The following NRG3 variants were observed in gnomAD, a reference collection of about 807,000 sequenced individuals.
The protein encoded by NRG3 is pro-neuregulin-3, membrane-bound isoform.
In NRG3, 31 loss-of-function variants were observed where a neutral mutation model predicts 66.9. The ratio of observed to expected loss-of-function variants is 0.46; its 90% CI spans 0.35 to 0.63. NRG3 has a LOEUF of 0.63. Among genes scored for constraint, NRG3 ranks in the 20% least tolerant of loss-of-function variants. The pLI is 0.00. For missense variants in NRG3, 910 were observed against 878.9 expected, an observed-to-expected ratio of 1.04 and a Z score of -0.45; for synonymous variants, 393 against 359.4, an observed-to-expected ratio of 1.09 and a Z score of -1.06.
chr10:82,528,037 T>G (rs1157021771), intron 2 of NRG3, among the ~76,000 whole-genome samples: 1 of 152,178 alleles, frequency 6.6e-6, no homozygotes, highest in Non-Finnish European at 1.5e-5. Context: ...CACACCCTCC[T>G]TTCCCCCAGC....
chr10:81,943,964 A>G (rs1478349458), intron 1 of NRG3, among the ~76,000 whole-genome samples: 1 of 152,174 alleles, frequency 6.6e-6, no homozygotes, highest in Non-Finnish European at 1.5e-5. Flanking sequence ...CTGTGACAGC[A>G]AGAACGTGAT....
At chr10:81,915,422 TG>T (rs1482115680) in intron 1 of NRG3, among the ~76,000 whole-genome samples, 10 of 150,380 alleles carry the variant, frequency 6.6e-5, no homozygotes, top group African/African-American at 2.4e-4. Context: ...GGAGATGAGG[TG>T]GGTGTTGGGC....
At chr10:82,293,208 A>AT (rs769561850) in intron 1 of NRG3, among the ~76,000 whole-genome samples, 1 of 152,136 alleles carries the variant, frequency 6.6e-6, no homozygotes, top group Non-Finnish European at 1.5e-5. Context: ...GTTGAGTTCA[A>AT]TTTTTTGTTA....
chr10:82,909,311 C>G (rs1007119422), intron 4 of NRG3, among the ~76,000 whole-genome samples: 1 of 152,178 alleles, frequency 6.6e-6, no homozygotes, highest in African/African-American at 2.4e-5. Context: ...GAGCAGTTCA[C>G]ACAGGCATTC....
At chr10:82,785,294 T>A (rs903543636) in intron 3 of NRG3, among the ~76,000 whole-genome samples, 3 of 151,856 alleles carry the variant, frequency 2.0e-5, no homozygotes, top group Non-Finnish European at 4.4e-5. Flanking sequence ...GCATGGCACA[T>A]GTATACATAC....
chr10:81,889,261 T>C (rs1440575043), intron 1 of NRG3: 1 of 152,176 alleles, frequency 6.6e-6, no homozygotes, highest in Non-Finnish European at 1.5e-5. Context: ...TGAGGTCTTC[T>C]TTGCAGAAGC....
intron 4 of NRG3, among the ~76,000 whole-genome samples, chr10:82,943,784 T>C (rs997223201): frequency 6.6e-6 from 1 of 152,160 alleles, no homozygotes; most frequent in Non-Finnish European, 1.5e-5. Flanking sequence ...TCCAGTCAAG[T>C]TGACACCTAA....
Position 82,977,475 on chromosome 10 carries a change from G to C in NRG3, c.1413-1475G>C, listed in dbSNP as rs142939706. On this transcript the variant is annotated intron_variant, in intron 7 of 8. Transcript: ENST00000372141. ...AATACAAAAATTAGCCTGCCATTGTGGGGGGCACCTGTAGTCCCAGCTACT... is the reference window on the plus strand; with the variant it reads ...AATACAAAAATTAGCCTGCCATTGTCGGGGGCACCTGTAGTCCCAGCTACT... Among the ~76,000 whole-genome samples the C allele has an allele frequency of 5.0e-4, 76 of 152,080 alleles. 2 individuals are homozygous for C. The East Asian group carries it at 8.3e-3, about 17-fold the overall frequency.
chr10:82,609,292 T>C lies in NRG3; in HGVS notation c.954-129285T>C, dbSNP rs113465412. Among the ~76,000 whole-genome samples, 536 of 152,272 alleles carry C rather than the reference T, an allele frequency of 3.5e-3. 1 individual carries two copies. The highest frequency in any genetic ancestry group is 0.012 in the African/African-American group (511 of 41,562). ...AATAACGTGATTCTATCCTTGATAATTGAGTAAAGAGCCATTCAAAGAGTG... is the reference window on the plus strand; with the variant it reads ...AATAACGTGATTCTATCCTTGATAACTGAGTAAAGAGCCATTCAAAGAGTG... On this transcript the variant is annotated intron_variant, in intron 2 of 8. Coordinates refer to ENST00000372141, the MANE Select transcript of NRG3 (RefSeq NM_001010848.4).
intron 4 of NRG3, among the ~76,000 whole-genome samples, chr10:82,908,727 G>A (rs1845008054): frequency 6.6e-6 from 1 of 152,232 alleles, no homozygotes; most frequent in East Asian, 1.9e-4. Context: ...ATACTAAACT[G>A]CTTCAGTGGC....
intron 1 of NRG3, among the ~76,000 whole-genome samples, chr10:81,993,549 G>T (rs774471169): frequency 5.2e-4 from 79 of 152,002 alleles, no homozygotes; most frequent in Non-Finnish European, 8.4e-4. Context: ...GTCTTGTTAG[G>T]TTGCTCAGCT....
chr10:82,579,643 G>T (rs1178479862), intron 2 of NRG3, among the ~76,000 whole-genome samples: 1 of 151,874 alleles, frequency 6.6e-6, no homozygotes, highest in Non-Finnish European at 1.5e-5. Context: ...GTAGCATCTT[G>T]CTTGATACTC....
At chr10:82,472,568 C>T (rs1028505910) in intron 2 of NRG3, among the ~76,000 whole-genome samples, 1 of 152,180 alleles carries the variant, frequency 6.6e-6, no homozygotes, top group African/African-American at 2.4e-5. Context: ...CTTCGGGTAT[C>T]CCTGTCCAAA....
Position 82,752,631 on chromosome 10 carries a change from C to T in NRG3, c.1027+13981C>T, listed in dbSNP as rs76623862. 3.0e-3 allele frequency among the ~76,000 whole-genome samples: 463 copies of T among 152,106 alleles called. 3 individuals are homozygous for T. The highest frequency in any genetic ancestry group is 0.01 in the African/African-American group (435 of 41,504). ...GCTATGGTCTGAATGTTAATGTTCC[C>T]ACCAAAAATTCATATGTTGAAACAT... On this transcript the variant is annotated intron_variant, in intron 3 of 8. Coordinates refer to ENST00000372141, the MANE Select transcript of NRG3 (RefSeq NM_001010848.4).
chr10:82,510,224 C>T (rs1325899160), intron 2 of NRG3, among the ~76,000 whole-genome samples: 3 of 152,194 alleles, frequency 2.0e-5, no homozygotes, highest in Non-Finnish European at 1.5e-5. Context: ...CTATTTCACA[C>T]ACTATCCCCA....
At chr10:82,468,879 G>A (rs1840955680) in intron 2 of NRG3, among the ~76,000 whole-genome samples, 2 of 151,930 alleles carry the variant, frequency 1.3e-5, no homozygotes, top group South Asian at 2.1e-4. Context: ...GGGAGGAAGG[G>A]AGAAAGAAAA....
chr10:82,769,138 G>T (rs999928445), intron 3 of NRG3, among the ~76,000 whole-genome samples: 1 of 152,058 alleles, frequency 6.6e-6, no homozygotes, highest in African/African-American at 2.4e-5. Flanking sequence ...TAAATAGTTT[G>T]TGAAATATGG....
rs573679360 is a variant in NRG3, at chr10:81,903,940, C to A, written c.823+27777C>A. 5.5e-4 allele frequency among the ~76,000 whole-genome samples: 83 copies of A among 150,814 alleles called. 6 individuals are homozygous for A. The highest frequency in any genetic ancestry group is 5.2e-3 in the Admixed American group (79 of 15,152). ...TGAGTCACATGCTCAACATGGTAAA[C>A]ATGTATATATCCACCTTCAAGACTT... is the stretch of plus-strand genomic sequence containing the variant. On this transcript the variant is annotated intron_variant, in intron 1 of 8. Transcript: ENST00000372141.
At chr10:82,120,620 A>G (rs539879167) in intron 1 of NRG3, among the ~76,000 whole-genome samples, 1 of 152,288 alleles carries the variant, frequency 6.6e-6, no homozygotes, top group African/African-American at 2.4e-5. Flanking sequence ...AAGATGTTTC[A>G]GGATATTTCA....
Sources: gnomAD v4.1 joint callset for allele counts (sites outside exome capture counted in the v4.1 genomes callset) on GRCh38, gnomAD v4.1.1 for gene constraint, MANE v1.5 for transcripts, NCBI Gene and HGNC (gene_info 2026-07-23, HGNC 2026-07-21) for gene names.